PTK2: variants seen among roughly 807,000 people sequenced by gnomAD.
PTK2 encodes protein tyrosine kinase 2, also known as focal adhesion kinase 1.
Under a neutral mutation model 150.1 loss-of-function variants are expected in PTK2, and 45 were observed. The ratio of observed to expected loss-of-function variants is 0.30; its 90% CI spans 0.24 to 0.38. PTK2 has a LOEUF of 0.38. PTK2 is among the 10% of genes least tolerant of loss of function. The pLI, the probability that PTK2 is intolerant of heterozygous loss-of-function variation, is 1.00. For missense variants in PTK2, 919 were observed against 1,307.3 expected (o/e 0.70, Z 4.58); for synonymous variants, 432 against 449.2 (o/e 0.96, Z 0.48).
intron 2 of PTK2, among the ~76,000 whole-genome samples, chr8:140,924,059 G>A (rs1489954757): frequency 2.0e-5 from 3 of 152,162 alleles, no homozygotes. Flanking sequence ...AGCACAGTCT[G>A]TAAGGCCGTG....
intron 17 of PTK2, among the ~76,000 whole-genome samples, chr8:140,748,496 CAAA>C (rs61423469): frequency 0.53 from 58,673 of 110,870 alleles, 12,691 homozygotes; most frequent in Admixed American, 0.62. Context: ...GACTCTGTCT[CAAA>C]AAAAAAAAAA....
chr8:140,819,790 A>C (rs1321423541), intron 8 of PTK2, among the ~76,000 whole-genome samples: 6 of 152,214 alleles, frequency 3.9e-5, no homozygotes, highest in African/African-American at 1.4e-4. Context: ...TGCTTTTTTC[A>C]TGAAGTAAGA....
intron 1 of PTK2, among the ~76,000 whole-genome samples, chr8:140,987,469 C>T (rs1338991401): frequency 2.6e-5 from 4 of 152,208 alleles, no homozygotes; most frequent in African/African-American, 9.7e-5. Flanking sequence ...GCATCAGCCA[C>T]GGTGCCCAGC....
intron 30 of PTK2, 107 bp from the exon 35 acceptor site, chr8:140,665,104 C>T: frequency 9.6e-7 from 1 of 1,041,460 alleles, no homozygotes; most frequent in Non-Finnish European, 1.4e-6. Flanking sequence ...AGGCAAATTT[C>T]TGTATTTCTT....
intron 7 of PTK2, among the ~76,000 whole-genome samples, chr8:140,845,120 C>T (rs1250740947): frequency 6.6e-6 from 1 of 152,208 alleles, no homozygotes; most frequent in Non-Finnish European, 1.5e-5. Flanking sequence ...CAACAGCTTC[C>T]TGGCTCCTTG....
At chr8:140,708,623 C>T (rs2100035105) in intron 23 of PTK2, among the ~76,000 whole-genome samples, 1 of 152,074 alleles carries the variant, frequency 6.6e-6, no homozygotes, top group Admixed American at 6.6e-5. Context: ...CTAAACTTAA[C>T]TAAATAACAA....
At chr8:140,694,719 C>G (rs1251271090) in intron 26 of PTK2, among the ~76,000 whole-genome samples, 1 of 152,106 alleles carries the variant, frequency 6.6e-6, no homozygotes, top group Non-Finnish European at 1.5e-5. Flanking sequence ...ATAGCAGATA[C>G]CATGGAAACC....
chr8:140,790,113 T>C (rs890147706), intron 13 of PTK2, among the ~76,000 whole-genome samples: 1 of 152,196 alleles, frequency 6.6e-6, no homozygotes, highest in African/African-American at 2.4e-5. Flanking sequence ...TGGCCAAAAG[T>C]CTTGGTGCCG....
intron 31 of PTK2, among the ~76,000 whole-genome samples, chr8:140,664,702 T>C (rs761817627): frequency 5.2e-4 from 79 of 152,130 alleles, no homozygotes; most frequent in Non-Finnish European, 8.8e-4. Flanking sequence ...GATCTGGAAT[T>C]TGAGTGGCCA....
At chr8:140,733,854 G>A (rs771027777) in intron 22 of PTK2, among the ~76,000 whole-genome samples, 5 of 152,190 alleles carry the variant, frequency 3.3e-5, no homozygotes, top group African/African-American at 4.8e-5. Flanking sequence ...GACCAAGAGC[G>A]TGGCTGGTCT....
At position 140,971,786 on chromosome 8, in the gene PTK2, T is replaced by C. The variant is rs113727230; in HGVS notation, c.-122+29339A>G. Among the ~76,000 whole-genome samples the C allele has an allele frequency of 5.5e-3, 841 of 152,330 alleles. 9 individuals carry two copies. The highest frequency in any genetic ancestry group is 0.018 in the African/African-American group (768 of 41,556). ...TCTGTGCAAATTTGCAGTGGATATA[T>C]TTTCTGGGTTCAAACTACATTCCAG... On this transcript the variant is annotated intron_variant, in intron 1 of 31. Coordinates refer to ENST00000522684, the Ensembl canonical transcript of PTK2.
At chr8:140,902,188 C>G (rs1021692675) in intron 2 of PTK2, among the ~76,000 whole-genome samples, 1 of 152,136 alleles carries the variant, frequency 6.6e-6, no homozygotes, top group African/African-American at 2.4e-5. Context: ...CGCACGCCAC[C>G]ACGCCCAGCT....
intron 13 of PTK2, 73 bp from the exon 14 acceptor site, chr8:140,789,599 G>C (rs973024376): frequency 9.5e-6 from 14 of 1,479,596 alleles, no homozygotes; most frequent in Non-Finnish European, 1.2e-5. Flanking sequence ...TCATCAAGTG[G>C]GGAACTGCCT....
intron 2 of PTK2, among the ~76,000 whole-genome samples, chr8:140,896,030 A>C (rs935080560): frequency 6.6e-6 from 1 of 152,146 alleles, no homozygotes; most frequent in Non-Finnish European, 1.5e-5. Flanking sequence ...AGAGAATATA[A>C]TAAGAGGTAA....
At chr8:140,925,508 A>G (rs1250238566) in intron 2 of PTK2, 153 bp downstream of exon 2, 19 of 475,046 alleles carry the variant, frequency 4.0e-5, no homozygotes, top group Non-Finnish European at 4.7e-5. Context: ...CTATCCACAA[A>G]AATTATGACT....
At chr8:140,969,692 T>G (rs2100186569) in intron 1 of PTK2, among the ~76,000 whole-genome samples, 1 of 152,202 alleles carries the variant, frequency 6.6e-6, no homozygotes, top group African/African-American at 2.4e-5. Flanking sequence ...CTGTCCTTTC[T>G]CTTATTTATG....
Position 140,671,759 on chromosome 8 carries a change from C to CAAA in PTK2, c.2709+2536_2709+2538dup, listed in dbSNP as rs35706231. ...AAACCCCGTCTCTACTAAAAATACC[C>CAAA]AAAAAAAAAAAAAAAAAAAAAAATT... On this transcript the variant is annotated intron_variant, in intron 29 of 31. Transcript: ENST00000522684. Among the ~76,000 whole-genome samples the CAAA allele has an allele frequency of 2.1e-4, 20 of 94,150 alleles. No homozygotes were observed. The South Asian group carries it at 3.1e-3, about 15-fold the overall frequency. 61.8% of individuals were successfully genotyped at this position (94,150 alleles called of 152,430 possible). A position where few individuals can be genotyped will look rare whatever the true frequency, so the allele number is the denominator to read the frequency against.
chr8:140,818,769 GA>G (rs1289158614), intron 9 of PTK2, 110 bp downstream of exon 9: 20 of 1,152,272 alleles, frequency 1.7e-5, no homozygotes, highest in East Asian at 2.7e-5. Flanking sequence ...TCATTTTATT[GA>G]AAAAAATGGG....
chr8:140,835,890 T>C (rs2100118406), intron 7 of PTK2, among the ~76,000 whole-genome samples: 3 of 152,122 alleles, frequency 2.0e-5, no homozygotes, highest in African/African-American at 7.2e-5. Context: ...AAGATGTGCA[T>C]GTTAGGGGAA....
Sources: allele counts gnomAD v4.1 joint callset (sites outside exome capture counted in the v4.1 genomes callset), GRCh38; gene constraint gnomAD v4.1.1; transcripts MANE v1.5; gene names NCBI Gene and HGNC (gene_info 2026-07-23, HGNC 2026-07-21).